RADIL: variants seen among roughly 807,000 people sequenced by gnomAD.
RADIL encodes Rap associating with DIL domain.
RADIL carries 99 observed loss-of-function variants against 97.6 expected under a neutral mutation model. The ratio of observed to expected loss-of-function variants is 1.01; its 90% CI spans 0.86 to 1.20. The LOEUF is 1.20. Among genes scored for constraint, RADIL ranks in the 50% most tolerant of loss-of-function variants. The pLI, the probability that RADIL is intolerant of heterozygous loss-of-function variation, is 0.00. For synonymous variants in RADIL, 803 were observed against 691.8 expected, an observed-to-expected ratio of 1.16 and a Z score of -2.52; for missense variants, 1,765 against 1,498.9, an observed-to-expected ratio of 1.18 and a Z score of -2.93.
chr7:4,883,076 G>C lies in RADIL; in HGVS notation c.-65+520C>G, dbSNP rs1433062794. Among the ~76,000 whole-genome samples the C allele has an allele frequency of 6.6e-6, 1 of 152,202 alleles. No individual in the cohort carries two copies. The highest frequency in any genetic ancestry group is 2.4e-5 in the African/African-American group (1 of 41,458). ...AGCCGGGAAACAATGCTTTGAGCTG[G>C]CGCACGAGTGGGGATCGGGCTGCAA... On this transcript the variant is annotated intron_variant, in intron 1 of 14. Transcript: ENST00000399583. This position sits in a 1 kb window ranked among gnomAD's most constrained non-coding sequence, Gnocchi z 7.1.
chr7:4,826,712 A>G (rs1782990483), intron 5 of RADIL, among the ~76,000 whole-genome samples: 2 of 150,878 alleles, frequency 1.3e-5, no homozygotes, highest in African/African-American at 2.4e-5. Flanking sequence ...CAGCTTGGGC[A>G]ACAGAGCGAG....
chr7:4,832,045 G>T (rs531810347), intron 5 of RADIL, 96 bp downstream of exon 5: 2 of 1,315,788 alleles, frequency 1.5e-6, no homozygotes, highest in Non-Finnish European at 2.2e-6. Flanking sequence ...TGACCCCAAG[G>T]CGTGGGGAGA....
At chr7:4,874,167 G>A (rs964534818) in intron 2 of RADIL, among the ~76,000 whole-genome samples, 4 of 152,252 alleles carry the variant, frequency 2.6e-5, no homozygotes, top group Non-Finnish European at 4.4e-5. Context: ...GGTGTCTCAC[G>A]CAGGGAACAG....
rs376788795 is a variant in RADIL, at chr7:4,799,009, C to T, written c.*369G>A. 1.5e-4 allele frequency: 38 copies of T among 255,542 alleles called. No homozygotes were observed. Among genetic ancestry groups the T allele is most frequent in the Admixed American group, 4.0e-4 (8 of 20,226 alleles). 15.8% of individuals were successfully genotyped at this position (255,542 alleles called of 1,614,324 possible). The stretch of plus-strand genomic sequence containing the variant: ...GATGACAGCTGTCACTGCATTCTCC[C>T]GTGCCGGTGGCAGGCAGAGGCCATG... On this transcript the variant is annotated 3_prime_UTR_variant, in exon 15 of 15. Transcript: ENST00000399583.
rs767679528 is a variant in RADIL at position 4,801,852 on chromosome 7, A to AG, written c.2642dup (p.Gly882TrpfsTer32). ...AGCCCCCACGGCTGGGTTGCCTTCC[A>AG]GGGGGGGCCTGTGCCCAGGGAGCCC... On this transcript the variant is annotated frameshift_variant, in exon 12 of 15. Transcript: ENST00000399583. LOFTEE classifies it high-confidence loss of function. 2.2e-5 allele frequency: 35 copies of AG among 1,596,990 alleles called. No homozygotes were observed. Among genetic ancestry groups the AG allele is most frequent in the Middle Eastern group, 3.3e-4 (2 of 5,974 alleles).
At chr7:4,800,041 G>A (rs1782027502) in intron 13 of RADIL, 130 bp downstream of exon 13, 10 of 1,359,770 alleles carry the variant, frequency 7.4e-6, no homozygotes, top group African/African-American at 1.5e-5. Flanking sequence ...AGCTGCAGAG[G>A]CCAACCCCAC....
At chr7:4,802,852 C>CTGGGT (rs1782153193) in intron 11 of RADIL, among the ~76,000 whole-genome samples, 1 of 97,666 alleles carries the variant, frequency 1.0e-5, no homozygotes, top group African/African-American at 4.7e-5. Context: ...GCTGGCTGGA[C>CTGGGT]CCCCTCCCCG....
At chr7:4,808,161 C>A (rs1265210774) in intron 9 of RADIL, among the ~76,000 whole-genome samples, 1 of 138,822 alleles carries the variant, frequency 7.2e-6, no homozygotes, top group Non-Finnish European at 1.6e-5. Flanking sequence ...TTCTCTCTCT[C>A]CCCTCTCTCC....
chr7:4,810,243 A>G (rs1782502360), intron 9 of RADIL, among the ~76,000 whole-genome samples: 1 of 152,168 alleles, frequency 6.6e-6, no homozygotes, highest in African/African-American at 2.4e-5. Context: ...AGCTCACTGC[A>G]AACCCCCTGT....
chr7:4,847,697 T>A (rs1783605470), intron 2 of RADIL, among the ~76,000 whole-genome samples: 1 of 116,168 alleles, frequency 8.6e-6, no homozygotes, highest in African/African-American at 3.5e-5. Flanking sequence ...TCTTACAACA[T>A]GGATGAGCCT....
rs375741494 is a variant in RADIL, at chr7:4,836,409, C to T, written c.732G>A (p.Ser244=). ...EEPGPDAMRY[S]LYQSPHLLLL... is the part of the protein sequence containing the mutation. Reference sequence around the variant, plus strand: ...GGAGCAGATGCGGGGACTGGTACAGCGAGTACCGCATGGCGTCGGGGCCGG... The same window carrying T: ...GGAGCAGATGCGGGGACTGGTACAGTGAGTACCGCATGGCGTCGGGGCCGG... Residue 244 remains serine, a synonymous_variant, in exon 3 of 15, where the codon TCG becomes TCA. Transcript: ENST00000399583. 5.9e-5 allele frequency: 93 copies of T among 1,580,856 alleles called. No homozygotes were observed. The East Asian group carries it at 9.5e-4, about 16-fold the overall frequency.
intron 2 of RADIL, among the ~76,000 whole-genome samples, chr7:4,870,057 T>C (rs1293349364): frequency 6.6e-6 from 1 of 152,222 alleles, no homozygotes; most frequent in Non-Finnish European, 1.5e-5. Flanking sequence ...GGAGGATCGC[T>C]TGGGCCCAGG....
chr7:4,834,680 G>A lies in RADIL; in HGVS notation c.1343C>T (p.Ala448Val). Residue 448 changes from alanine (A) to valine (V), a missense_variant, in exon 4 of 15, where the codon GCC becomes GTC. By Grantham distance (64) the Ala-to-Val change is moderately conservative. Coordinates refer to ENST00000399583, the MANE Select transcript of RADIL (RefSeq NM_018059.5). This position sits in a 1 kb window ranked among gnomAD's most constrained non-coding sequence, Gnocchi z 6.0. Reference protein sequence around the residue: ...FLLCLCIQHSATHFQPGTFGQ... With the variant: ...FLLCLCIQHSVTHFQPGTFGQ... ...GAATGTGCCCGGCTGGAAGTGGGTG[G>A]CCGAGTGCTGGATGCAGAGGCACAG... 1.4e-6 allele frequency: 2 copies of A among 1,380,480 alleles called. No individual in the cohort carries two copies. The highest frequency in any genetic ancestry group is 2.1e-5 in the South Asian group (1 of 47,864). 85.5% of individuals were successfully genotyped at this position (1,380,480 alleles called of 1,614,324 possible).
chr7:4,860,854 T>G, intron 2 of RADIL: 1 of 1,614,136 alleles, frequency 6.2e-7, no homozygotes, highest in Non-Finnish European at 8.5e-7. Context: ...GTGGGTATGC[T>G]GGTGTGATGA....
At chr7:4,807,280 C>T (rs1782342824) in intron 9 of RADIL, among the ~76,000 whole-genome samples, 1 of 151,976 alleles carries the variant, frequency 6.6e-6, no homozygotes, top group African/African-American at 2.4e-5. Flanking sequence ...CGACGTCCTC[C>T]AACACCACCG....
In RADIL at chr7:4,837,805, C is replaced by T; in HGVS notation, c.536-1200G>A. 4.1e-6 allele frequency: 4 copies of T among 982,874 alleles called. No individual in the cohort carries two copies. The highest frequency in any genetic ancestry group is 4.8e-6 in the Non-Finnish European group (4 of 827,674). The allele number at this position is 982,874 out of a possible 1,614,324, so 60.9% of individuals were successfully genotyped here. A position where few individuals can be genotyped will look rare whatever the true frequency, so the allele number is the denominator to read the frequency against. ...TGCATGCTCTGGGAAAGCCAGCCGG[C>T]TGCGATAGATGAAAACCGCTCACCA... On this transcript the variant is annotated intron_variant, in intron 2 of 14. Coordinates refer to ENST00000399583, the MANE Select transcript of RADIL (RefSeq NM_018059.5). This position sits in a 1 kb window ranked among gnomAD's most constrained non-coding sequence, Gnocchi z 5.6.
At chr7:4,805,409 CG>C (rs34277804) in intron 10 of RADIL, 156 bp downstream of exon 10, 85 of 477,542 alleles carry the variant, frequency 1.8e-4, no homozygotes, top group African/African-American at 2.7e-4. Context: ...TGGGGCGGGG[CG>C]GGGGGGTCCT....
intron 9 of RADIL, among the ~76,000 whole-genome samples, chr7:4,806,495 C>T (rs1024463997): frequency 4.6e-5 from 7 of 152,122 alleles, no homozygotes; most frequent in African/African-American, 1.2e-4. Flanking sequence ...CCCAGGAAAA[C>T]GTTTTAGGCA....
At chr7:4,868,224 G>C (rs1784173258) in intron 2 of RADIL, among the ~76,000 whole-genome samples, 1 of 152,058 alleles carries the variant, frequency 6.6e-6, no homozygotes, top group Non-Finnish European at 1.5e-5. Context: ...CACCACACCT[G>C]GCTAATTTTC....
Sources: allele counts gnomAD v4.1 joint callset (sites outside exome capture counted in the v4.1 genomes callset), GRCh38; gene constraint gnomAD v4.1.1; non-coding constraint Gnocchi (gnomAD v3.1); transcripts MANE v1.5; gene names NCBI Gene and HGNC (gene_info 2026-07-23, HGNC 2026-07-21).